The following PCDHA6 variants were observed in gnomAD, a reference collection of about 807,000 sequenced individuals.
PCDHA6 encodes the protein protocadherin alpha 6.
Under a neutral mutation model 60.3 loss-of-function variants are expected in PCDHA6, and 55 were observed. The observed-to-expected ratio is 0.91, with a 90% CI of 0.73 to 1.14. PCDHA6 has a LOEUF of 1.14. Ranked by LOEUF, PCDHA6 falls within the 50% of genes most tolerant of loss-of-function variation. The pLI, the probability that PCDHA6 is intolerant of heterozygous loss-of-function variation, is 0.00. For missense variants in PCDHA6, 1,327 were observed against 1,256.5 expected (o/e 1.06, Z -0.85); for synonymous variants, 652 against 557.9 (o/e 1.17, Z -2.38).
At chr5:140,842,863 C>A (rs1431713195) in intron 1 of PCDHA6, 4 of 1,593,844 alleles carry the variant, frequency 2.5e-6, no homozygotes, top group African/African-American at 1.3e-5. Context: ...ACACGGAGAG[C>A]GGCAAGGTGT....
intron 1 of PCDHA6, chr5:140,850,875 G>T: frequency 6.3e-7 from 1 of 1,590,472 alleles, no homozygotes; most frequent in Non-Finnish European, 8.6e-7. Flanking sequence ...TGCTTCCTCA[G>T]ATTCAACTGG....
chr5:140,851,781 A>G, intron 1 of PCDHA6: 1 of 959,776 alleles, frequency 1.0e-6, no homozygotes. Context: ...AATTTAGATG[A>G]GAATTCACTT....
At chr5:140,884,574 T>C (rs1554181755) in intron 1 of PCDHA6, 1 of 1,614,014 alleles carries the variant, frequency 6.2e-7, no homozygotes, top group East Asian at 2.2e-5. Context: ...AAGACGGACC[T>C]CATGGCCTTC....
chr5:140,860,923 G>A (rs1419430467), intron 1 of PCDHA6: 5 of 152,248 alleles, frequency 3.3e-5, no homozygotes, highest in African/African-American at 9.7e-5. Flanking sequence ...ATTTTTAGTA[G>A]AGACGAGGTT....
chr5:140,910,958 C>G (rs571427431), intron 1 of PCDHA6, among the ~76,000 whole-genome samples: 2 of 152,220 alleles, frequency 1.3e-5, no homozygotes, highest in East Asian at 3.9e-4. Context: ...TCGAGTGTAG[C>G]ACACCTCCTC....
chr5:140,894,098 T>C (rs1025974161), intron 1 of PCDHA6, among the ~76,000 whole-genome samples: 2 of 152,178 alleles, frequency 1.3e-5, no homozygotes, highest in Non-Finnish European at 2.9e-5. Flanking sequence ...TTCTAGCTCC[T>C]GGTGTTGCAG....
intron 1 of PCDHA6, among the ~76,000 whole-genome samples, chr5:140,908,560 C>T (rs1562965261): frequency 6.6e-6 from 1 of 152,198 alleles, no homozygotes; most frequent in Non-Finnish European, 1.5e-5. Context: ...AGGCCAAGAG[C>T]TGTCTCTCAA....
At position 140,857,632 on chromosome 5, in the gene PCDHA6, G is replaced by C; in HGVS notation, c.2394+27147G>C. On this transcript the variant is annotated intron_variant, in intron 1 of 3. Transcript: ENST00000529310. ...AGCCGCTGGACCACGAGGAGCTGGA[G>C]CTGCTACAGTTCCAGGTGAGCGCGC... 1.9e-6 allele frequency: 3 copies of C among 1,596,770 alleles called. 1 individual carries two copies. Among genetic ancestry groups the C allele is most frequent in the Non-Finnish European group, 2.6e-6 (3 of 1,167,764 alleles).
intron 1 of PCDHA6, chr5:140,851,535 G>T: frequency 1.1e-6 from 1 of 904,912 alleles, no homozygotes. Flanking sequence ...TGACAATGTA[G>T]ATAATTCAAG....
chr5:140,960,134 A>G (rs1480555997), intron 1 of PCDHA6, among the ~76,000 whole-genome samples: 10 of 152,232 alleles, frequency 6.6e-5, no homozygotes, highest in African/African-American at 2.2e-4. Context: ...TGAAATACTT[A>G]GATATTAATA....
chr5:141,006,157 A>G (rs2098258108), intron 3 of PCDHA6, among the ~76,000 whole-genome samples: 1 of 150,182 alleles, frequency 6.7e-6, no homozygotes, highest in Non-Finnish European at 1.5e-5. Context: ...GGAGTGATAT[A>G]ATCTGATTTA....
At position 140,843,722 on chromosome 5, in the gene PCDHA6, C is replaced by T. The variant is rs2150365613; in HGVS notation, c.2394+13237C>T. ...TGTTGATCATGGCCTCAAAGTAAGT[C>T]CATTTAAATTTAGAACTCATAAATT... On this transcript the variant is annotated intron_variant, in intron 1 of 3. Coordinates refer to ENST00000529310, the MANE Select transcript of PCDHA6 (RefSeq NM_018909.4). 2.4e-4 allele frequency: 371 copies of T among 1,561,926 alleles called. 35 individuals carry two copies. The highest frequency in any genetic ancestry group is 1.3e-3 in the East Asian group (56 of 44,658).
At chr5:140,941,214 C>CTTCCTTTCTTTCTTTCTTTCTTT (rs1554214039) in intron 1 of PCDHA6, among the ~76,000 whole-genome samples, 1 of 122,414 alleles carries the variant, frequency 8.2e-6, no homozygotes. Flanking sequence ...TTTCTTTCTT[C>CTTCCTTTCTTTCTTTCTTTCTTT]CTTTCTTTCT....
intron 1 of PCDHA6, chr5:140,834,131 C>A (rs2150213699): frequency 6.7e-6 from 3 of 446,202 alleles, no homozygotes; most frequent in South Asian, 5.1e-5. Context: ...AACTTTTCAT[C>A]TGATTAATAG....
At chr5:140,877,276 G>T (rs1038142877) in intron 1 of PCDHA6, 4 of 1,613,744 alleles carry the variant, frequency 2.5e-6, no homozygotes, top group Admixed American at 1.7e-5. Flanking sequence ...CGCTGACTCC[G>T]GCTATAACGC....
In PCDHA6 at chr5:140,871,231, C is replaced by A. The variant is rs371096811; in HGVS notation, c.2394+40746C>A. The A allele has an allele frequency of 1.9e-6, 3 of 1,613,814 alleles. No individual in the cohort carries two copies. The African/African-American group carries it at 4.0e-5, about 22-fold the overall frequency. On this transcript the variant is annotated intron_variant, in intron 1 of 3. Coordinates refer to ENST00000529310, the MANE Select transcript of PCDHA6 (RefSeq NM_018909.4). ...CGCCATCTGCGTGGTGTCCAGCCTC[C>A]TGGTACTCACGCTGCTGCTGTATAC...
intron 1 of PCDHA6, chr5:140,875,945 CT>C (rs782069405): frequency 6.2e-7 from 1 of 1,614,144 alleles, no homozygotes; most frequent in South Asian, 1.1e-5. Flanking sequence ...GAGGGCGCTT[CT>C]GATGCGGATA....
In PCDHA6 at chr5:140,929,377, C is replaced by G. The variant is rs1436728913; in HGVS notation, c.2395-49572C>G. 3 of 1,514,232 alleles carry G rather than the reference C, an allele frequency of 2.0e-6. No homozygotes were observed. In the African/African-American group the frequency reaches 4.2e-5, roughly 21 times the overall value. The allele number at this position is 1,514,232 out of a possible 1,614,324, so 93.8% of individuals were successfully genotyped here. Reference sequence around the variant, plus strand: ...CCTTTGGCCCGGAGATGGCTGCTAGCTGTGTTTTGAAATATTTCTTAGACA... The same window carrying G: ...CCTTTGGCCCGGAGATGGCTGCTAGGTGTGTTTTGAAATATTTCTTAGACA... On this transcript the variant is annotated intron_variant, in intron 1 of 3. Coordinates refer to ENST00000529310, the MANE Select transcript of PCDHA6 (RefSeq NM_018909.4).
At chr5:140,869,727 T>G in intron 1 of PCDHA6, 1 of 1,613,380 alleles carries the variant, frequency 6.2e-7, no homozygotes, top group Non-Finnish European at 8.5e-7. Flanking sequence ...CTCCGGAACT[T>G]AATTTGCTGC....
Sources: gnomAD v4.1 joint callset for allele counts (sites outside exome capture counted in the v4.1 genomes callset) on GRCh38, gnomAD v4.1.1 for gene constraint, MANE v1.5 for transcripts, NCBI Gene and HGNC (gene_info 2026-07-23, HGNC 2026-07-21) for gene names.